The following XKR6 variants were observed in gnomAD, a reference collection of about 807,000 sequenced individuals.
The protein encoded by XKR6 is XK-related protein 6.
A neutral mutation model predicts 56.7 loss-of-function variants in XKR6; 22 were observed. That is an observed-to-expected ratio of 0.39 (90% CI 0.28 to 0.55). The LOEUF (loss-of-function observed/expected upper bound fraction) is 0.55, where lower values mean the gene tolerates loss of function less well. Ranked by LOEUF, XKR6 falls within the 20% of genes least tolerant of loss-of-function variation. The probability of loss-of-function intolerance (pLI) is 0.66; values close to 1 mark genes in which losing one functional copy is unlikely to be tolerated. For missense variants in XKR6, 852 were observed against 889.0 expected, an observed-to-expected ratio of 0.96 and a Z score of 0.53; for synonymous variants, 524 against 387.8, an observed-to-expected ratio of 1.35 and a Z score of -4.13.
At chr8:11,127,922 C>T (rs4841498) in intron 1 of XKR6, among the ~76,000 whole-genome samples, 79,814 of 152,026 alleles carry the variant, frequency 0.53, 22,875 homozygotes, top group African/African-American at 0.72. Context: ...AAATTTTGAA[C>T]ACTGTTACCT....
intron 1 of XKR6, among the ~76,000 whole-genome samples, chr8:10,952,329 CT>C (rs1231873709): frequency 1.3e-5 from 2 of 152,242 alleles, no homozygotes; most frequent in Non-Finnish European, 2.9e-5. Context: ...CATGAGCTTG[CT>C]CATTGTATGC....
chr8:11,116,786 C>T (rs1231533302), intron 1 of XKR6, among the ~76,000 whole-genome samples: 4 of 152,190 alleles, frequency 2.6e-5, no homozygotes, highest in Non-Finnish European at 4.4e-5. Context: ...GTCACAGCTG[C>T]CATTTCCCCC....
intron 1 of XKR6, among the ~76,000 whole-genome samples, chr8:10,972,205 T>C (rs928852510): frequency 6.6e-6 from 1 of 152,200 alleles, no homozygotes; most frequent in African/African-American, 2.4e-5. Context: ...CTAGGTTCTA[T>C]TTTGATTATC....
At chr8:10,909,677 C>A (rs76626473) in intron 2 of XKR6, among the ~76,000 whole-genome samples, 2,577 of 152,312 alleles carry the variant, frequency 0.017, 74 homozygotes, top group African/African-American at 0.059. Context: ...GCTCTCCAAA[C>A]ACGGGAAAGG....
At chr8:11,073,158 T>C (rs1192698633) in intron 1 of XKR6, among the ~76,000 whole-genome samples, 1 of 152,196 alleles carries the variant, frequency 6.6e-6, no homozygotes, top group Non-Finnish European at 1.5e-5. Context: ...ATTCATTAGC[T>C]TGTCTGATTG....
At chr8:11,089,349 A>C (rs1486498188) in intron 1 of XKR6, among the ~76,000 whole-genome samples, 1 of 152,238 alleles carries the variant, frequency 6.6e-6, no homozygotes, top group Admixed American at 6.5e-5. Flanking sequence ...AAAATGAAGT[A>C]GTCTGGGCCA....
At chr8:11,051,595 C>A (rs73543333) in intron 1 of XKR6, among the ~76,000 whole-genome samples, 2,253 of 152,258 alleles carry the variant, frequency 0.015, 50 homozygotes, top group African/African-American at 0.052. Context: ...ACGCCCCATG[C>A]CTGATCCTTC....
intron 2 of XKR6, among the ~76,000 whole-genome samples, chr8:10,923,326 C>A (rs957661340): frequency 4.6e-5 from 7 of 152,162 alleles, no homozygotes; most frequent in African/African-American, 1.7e-4. Flanking sequence ...GTGGGATGGA[C>A]AGATACCCTG....
chr8:10,919,792 C>T (rs998479704), intron 2 of XKR6, among the ~76,000 whole-genome samples: 1 of 152,182 alleles, frequency 6.6e-6, no homozygotes, highest in African/African-American at 2.4e-5. Context: ...AGACACAAGA[C>T]TCACCACCGG....
chr8:10,925,554 G>A (rs1800854790), intron 1 of XKR6, among the ~76,000 whole-genome samples: 1 of 152,198 alleles, frequency 6.6e-6, no homozygotes, highest in Non-Finnish European at 1.5e-5. Context: ...GCCCTCTCAG[G>A]ACCACTCCCG....
chr8:10,996,924 G>C (rs778544274), intron 1 of XKR6, among the ~76,000 whole-genome samples: 3 of 152,022 alleles, frequency 2.0e-5, no homozygotes, highest in Non-Finnish European at 2.9e-5. Flanking sequence ...AGCTATGATG[G>C]CTCCACTGCA....
chr8:11,075,763 T>G (rs551235082), intron 1 of XKR6, among the ~76,000 whole-genome samples: 9 of 152,140 alleles, frequency 5.9e-5, no homozygotes, highest in Admixed American at 5.9e-4. Flanking sequence ...GTCCCAGCTA[T>G]TCGTGAGGCT....
chr8:11,005,639 T>A (rs1798350466), intron 1 of XKR6, among the ~76,000 whole-genome samples: 1 of 152,130 alleles, frequency 6.6e-6, no homozygotes, highest in Admixed American at 6.5e-5. Flanking sequence ...TGGTACGATG[T>A]GTTCGTTAAG....
intron 2 of XKR6, among the ~76,000 whole-genome samples, chr8:10,916,128 G>A (rs1216695877): frequency 6.6e-6 from 1 of 152,238 alleles, no homozygotes; most frequent in Non-Finnish European, 1.5e-5. Context: ...GGTCCACCAG[G>A]CAGCGTGGAG....
At chr8:11,124,067 T>C (rs1333810745) in intron 1 of XKR6, 4 of 451,936 alleles carry the variant, frequency 8.9e-6, no homozygotes, top group Non-Finnish European at 1.3e-5. Context: ...GAGCTCTCTC[T>C]CTCTAGCACG....
intron 1 of XKR6, among the ~76,000 whole-genome samples, chr8:11,089,260 A>C (rs574335756): frequency 2.2e-4 from 34 of 152,330 alleles, no homozygotes; most frequent in African/African-American, 7.9e-4. Context: ...AGCTAAAAGA[A>C]AACCTTAGAA....
chr8:11,033,311 T>TGGC (rs1415757169), intron 1 of XKR6, among the ~76,000 whole-genome samples: 1 of 143,576 alleles, frequency 7.0e-6, no homozygotes, highest in Non-Finnish European at 1.5e-5. Context: ...GTGGTGATGA[T>TGGC]GATGATGACG....
chr8:11,178,539 G>T (rs983955123), intron 1 of XKR6, among the ~76,000 whole-genome samples: 1 of 99,144 alleles, frequency 1.0e-5, no homozygotes, highest in Non-Finnish European at 1.9e-5. Context: ...AAACATCTGA[G>T]AGGTAAAAAT....
At chr8:10,976,266 T>C (rs1802555419) in intron 1 of XKR6, among the ~76,000 whole-genome samples, 1 of 152,038 alleles carries the variant, frequency 6.6e-6, no homozygotes, top group Non-Finnish European at 1.5e-5. Context: ...ATTTGTTGAA[T>C]GAGTGACTGA....
Sources: allele counts gnomAD v4.1 joint callset (sites outside exome capture counted in the v4.1 genomes callset), GRCh38; gene constraint gnomAD v4.1.1; transcripts MANE v1.5; gene names NCBI Gene and HGNC (gene_info 2026-07-23, HGNC 2026-07-21).